CCSER1: variants seen among roughly 807,000 people sequenced by gnomAD.
CCSER1 encodes serine-rich coiled-coil domain-containing protein 1.
In CCSER1, 41 loss-of-function variants were observed where a neutral mutation model predicts 82.0. That is an observed-to-expected ratio of 0.50 (90% CI 0.39 to 0.65). The LOEUF (loss-of-function observed/expected upper bound fraction) is 0.65, where lower values mean the gene tolerates loss of function less well. Among genes scored for constraint, CCSER1 ranks in the 30% least tolerant of loss-of-function variants. The probability of loss-of-function intolerance (pLI) is 0.00; values close to 1 mark genes in which losing one functional copy is unlikely to be tolerated. For missense variants in CCSER1, 1,119 were observed against 1,064.2 expected, an observed-to-expected ratio of 1.05 and a Z score of -0.72; for synonymous variants, 414 against 383.9, an observed-to-expected ratio of 1.08 and a Z score of -0.92.
At chr4:90,347,090 A>G (rs1214716987) in intron 3 of CCSER1, among the ~76,000 whole-genome samples, 1 of 152,116 alleles carries the variant, frequency 6.6e-6, no homozygotes, top group African/African-American at 2.4e-5. Context: ...TTGTATGTTT[A>G]TAACTTAATT....
At chr4:91,422,136 T>C (rs934501872) in intron 10 of CCSER1, among the ~76,000 whole-genome samples, 3 of 152,140 alleles carry the variant, frequency 2.0e-5, no homozygotes, top group African/African-American at 7.2e-5. Flanking sequence ...ATACTCATGA[T>C]GGACTCCTGA....
chr4:91,376,484 T>C (rs1277937162), intron 10 of CCSER1, among the ~76,000 whole-genome samples: 1 of 152,138 alleles, frequency 6.6e-6, no homozygotes, highest in Non-Finnish European at 1.5e-5. Flanking sequence ...ACATATGTGG[T>C]CTATCATTGA....
At chr4:90,834,659 A>G (rs754237462) in intron 8 of CCSER1, among the ~76,000 whole-genome samples, 20 of 152,202 alleles carry the variant, frequency 1.3e-4, no homozygotes, top group Non-Finnish European at 2.4e-4. Context: ...ATTTTAATCA[A>G]TTTTCAAAAA....
intron 8 of CCSER1, among the ~76,000 whole-genome samples, chr4:90,825,169 A>T (rs1379804178): frequency 1.3e-5 from 2 of 152,234 alleles, no homozygotes; most frequent in Non-Finnish European, 2.9e-5. Context: ...GATATAAGAA[A>T]ATAATTGCTC....
intron 8 of CCSER1, among the ~76,000 whole-genome samples, chr4:90,892,519 A>G (rs1042793052): frequency 3.3e-5 from 5 of 151,998 alleles, no homozygotes; most frequent in African/African-American, 1.2e-4. Flanking sequence ...AACATTATAC[A>G]TACAGCACAT....
chr4:90,636,445 A>T (rs1725432181), intron 6 of CCSER1, among the ~76,000 whole-genome samples: 1 of 152,014 alleles, frequency 6.6e-6, no homozygotes, highest in Non-Finnish European at 1.5e-5. Context: ...GAAATTACAG[A>T]ATTTTTTTAT....
rs562730738 is a variant in CCSER1, at chr4:91,089,784, G to A, written c.2217+3790G>A. Among the ~76,000 whole-genome samples, 9 of 152,218 alleles carry A rather than the reference G, an allele frequency of 5.9e-5. No individual in the cohort carries two copies. In the South Asian group the frequency reaches 1.9e-3, roughly 32 times the overall value. Reference sequence around the variant, plus strand: ...AACATGGCCCCAGGATCAAATCCGTGCCACACTTGCATGGGTACATGTGCC... The same window carrying A: ...AACATGGCCCCAGGATCAAATCCGTACCACACTTGCATGGGTACATGTGCC... On this transcript the variant is annotated intron_variant, in intron 10 of 10. Transcript: ENST00000509176.
intron 1 of CCSER1, among the ~76,000 whole-genome samples, chr4:90,209,461 T>A (rs1739530956): frequency 6.6e-6 from 1 of 152,142 alleles, no homozygotes. Flanking sequence ...AGTGGTGTGG[T>A]CCCAGTCTTG....
chr4:91,456,592 T>G (rs75895962), intron 10 of CCSER1, among the ~76,000 whole-genome samples: 1 of 152,136 alleles, frequency 6.6e-6, no homozygotes, highest in Non-Finnish European at 1.5e-5. Context: ...GAAGTAGTCA[T>G]TCTGAAAATA....
intron 6 of CCSER1, among the ~76,000 whole-genome samples, chr4:90,662,320 A>G (rs2149101089): frequency 6.6e-6 from 1 of 152,178 alleles, no homozygotes; most frequent in Middle Eastern, 3.4e-3. Flanking sequence ...CTTTTATGGG[A>G]AAAAGTAGCT....
At chr4:90,967,379 G>T (rs1734671589) in intron 9 of CCSER1, among the ~76,000 whole-genome samples, 2 of 151,894 alleles carry the variant, frequency 1.3e-5, no homozygotes. Context: ...AACCCAAGAG[G>T]TGCAGGTTGC....
At chr4:91,598,430 T>C (rs1368626755) in intron 10 of CCSER1, 142 bp from the exon 11 acceptor site, 1 of 842,424 alleles carries the variant, frequency 1.2e-6, no homozygotes, top group South Asian at 2.2e-5. Flanking sequence ...TTTAATCCCA[T>C]GGTTAATTGT....
At chr4:91,136,861 T>A (rs1265287740) in intron 10 of CCSER1, among the ~76,000 whole-genome samples, 1 of 152,148 alleles carries the variant, frequency 6.6e-6, no homozygotes, top group Non-Finnish European at 1.5e-5. Flanking sequence ...TCTTCATTTT[T>A]ACTGGCTATG....
At chr4:90,800,399 C>T (rs974919644) in intron 7 of CCSER1, among the ~76,000 whole-genome samples, 5 of 151,992 alleles carry the variant, frequency 3.3e-5, no homozygotes, top group African/African-American at 1.2e-4. Flanking sequence ...CTGTGACTAG[C>T]TTTTTATTTT....
intron 9 of CCSER1, among the ~76,000 whole-genome samples, chr4:90,944,932 C>T (rs1420349829): frequency 6.6e-6 from 1 of 152,072 alleles, no homozygotes; most frequent in African/African-American, 2.4e-5. Context: ...TAAATCATGT[C>T]TTGGATTTTT....
intron 10 of CCSER1, among the ~76,000 whole-genome samples, chr4:91,385,778 A>G (rs78412138): frequency 0.07 from 10,620 of 151,986 alleles, 1,182 homozygotes; most frequent in African/African-American, 0.24. Flanking sequence ...AAGCAATTCC[A>G]AAATTCTACG....
chr4:90,718,464 G>T (rs1055998012), intron 6 of CCSER1, among the ~76,000 whole-genome samples: 4 of 152,198 alleles, frequency 2.6e-5, no homozygotes, highest in African/African-American at 9.6e-5. Flanking sequence ...TATTAATAAT[G>T]AAAACTCATT....
chr4:91,133,330 A>T (rs907353551), intron 10 of CCSER1, among the ~76,000 whole-genome samples: 10 of 152,102 alleles, frequency 6.6e-5, no homozygotes, highest in Admixed American at 1.3e-4. Context: ...TTCAGGTGTC[A>T]GAAAGTGCTA....
intron 1 of CCSER1, among the ~76,000 whole-genome samples, chr4:90,304,342 T>C (rs1032755609): frequency 2.0e-5 from 3 of 152,326 alleles, no homozygotes; most frequent in South Asian, 2.1e-4. Flanking sequence ...TAAAGACACA[T>C]GCACACGTAT....
Sources: allele counts gnomAD v4.1 joint callset (sites outside exome capture counted in the v4.1 genomes callset), GRCh38; gene constraint gnomAD v4.1.1; transcripts MANE v1.5; gene names NCBI Gene and HGNC (gene_info 2026-07-23, HGNC 2026-07-21).